The following ARHGAP15 variants were observed in gnomAD, a reference collection of about 807,000 sequenced individuals.
The protein encoded by ARHGAP15 is Rho GTPase activating protein 15.
A neutral mutation model predicts 63.7 loss-of-function variants in ARHGAP15; 51 were observed. The observed-to-expected ratio is 0.80, with a 90% CI of 0.64 to 1.01. ARHGAP15 has a LOEUF of 1.01. ARHGAP15 is among the 50% of genes least tolerant of loss of function. ARHGAP15 has a pLI of 0.00. For missense variants in ARHGAP15, 560 were observed against 564.6 expected (o/e 0.99, Z 0.08); for synonymous variants, 191 against 193.8 (o/e 0.99, Z 0.12).
At chr2:143,449,457 C>CT (rs1229390846) in intron 8 of ARHGAP15, among the ~76,000 whole-genome samples, 3 of 152,024 alleles carry the variant, frequency 2.0e-5, no homozygotes, top group Admixed American at 6.6e-5. Context: ...TATTTGATTG[C>CT]TTAAATTTCT....
At chr2:143,640,995 G>T (rs1680571883) in intron 12 of ARHGAP15, 1 of 152,126 alleles carries the variant, frequency 6.6e-6, no homozygotes, top group Non-Finnish European at 1.5e-5. Flanking sequence ...ACTGAAGTAG[G>T]TTGCCTTTCC....
At chr2:143,629,501 A>G (rs1698980398) in intron 12 of ARHGAP15, among the ~76,000 whole-genome samples, 1 of 152,136 alleles carries the variant, frequency 6.6e-6, no homozygotes. Context: ...ATGATAGGTG[A>G]TGCAATCTTG....
intron 8 of ARHGAP15, among the ~76,000 whole-genome samples, chr2:143,454,207 T>C (rs1408534313): frequency 5.3e-5 from 8 of 151,978 alleles, no homozygotes; most frequent in Non-Finnish European, 1.2e-4. Flanking sequence ...AGACAACTGG[T>C]ATTTATGGGC....
chr2:143,217,866 T>A (rs1379762191), intron 4 of ARHGAP15, among the ~76,000 whole-genome samples: 2 of 152,140 alleles, frequency 1.3e-5, no homozygotes, highest in African/African-American at 4.8e-5. Context: ...AGAATAGAGG[T>A]GACAGCATTG....
intron 11 of ARHGAP15, chr2:143,571,799 A>G (rs928473248): frequency 2.0e-5 from 3 of 152,148 alleles, no homozygotes; most frequent in African/African-American, 7.2e-5. Context: ...TTCACTCACC[A>G]TTATCTGCTT....
At chr2:143,330,421 A>C (rs140741285) in intron 6 of ARHGAP15, among the ~76,000 whole-genome samples, 1 of 152,268 alleles carries the variant, frequency 6.6e-6, no homozygotes, top group African/African-American at 2.4e-5. Flanking sequence ...ACTGTATAAG[A>C]CAAATACATA....
intron 11 of ARHGAP15, among the ~76,000 whole-genome samples, chr2:143,572,465 A>G (rs1696501289): frequency 6.6e-6 from 1 of 152,042 alleles, no homozygotes; most frequent in Non-Finnish European, 1.5e-5. Context: ...CCATCTCTCA[A>G]GAGTCCACTC....
At chr2:143,201,029 T>C (rs1168582791) in intron 2 of ARHGAP15, among the ~76,000 whole-genome samples, 1 of 152,156 alleles carries the variant, frequency 6.6e-6, no homozygotes, top group Non-Finnish European at 1.5e-5. Context: ...CCCCACGATA[T>C]ATTTGAGTTC....
chr2:143,673,076 C>A (rs1490824247), intron 12 of ARHGAP15, among the ~76,000 whole-genome samples: 1 of 152,120 alleles, frequency 6.6e-6, no homozygotes. Flanking sequence ...ATTGTGCCAG[C>A]TTTCCACCTG....
intron 5 of ARHGAP15, 96 bp downstream of exon 5, chr2:143,228,764 G>A (rs1028657557): frequency 3.7e-6 from 3 of 809,186 alleles, no homozygotes; most frequent in Admixed American, 3.1e-5. Flanking sequence ...AAACCTCCAA[G>A]CTACCAACAT....
rs1553475720 is a variant in ARHGAP15 at position 143,407,987 on chromosome 2, G to GTATGTA, written c.475-27611_475-27610insGTATAT. ...TTTTTAAAGTCTGACTTCTGTGTGT[G>GTATGTA]TATATATATATATATATATATATAT... On this transcript the variant is annotated intron_variant, in intron 6 of 13. Coordinates refer to ENST00000295095, the MANE Select transcript of ARHGAP15 (RefSeq NM_018460.4). 8.0e-3 allele frequency among the ~76,000 whole-genome samples: 615 copies of GTATGTA among 76,812 alleles called. 4 individuals are homozygous for GTATGTA. The highest frequency in any genetic ancestry group is 0.013 in the Non-Finnish European group (464 of 34,544). The allele number at this position is 76,812 out of a possible 152,430, so 50.4% of individuals were successfully genotyped here.
intron 3 of ARHGAP15, among the ~76,000 whole-genome samples, chr2:143,204,932 C>T (rs1244094257): frequency 2.0e-5 from 3 of 151,146 alleles, no homozygotes; most frequent in African/African-American, 7.3e-5. Context: ...CTTCCCTAAT[C>T]TCTCTTAAAA....
intron 11 of ARHGAP15, among the ~76,000 whole-genome samples, chr2:143,579,871 AT>A (rs1286358277): frequency 2.0e-5 from 3 of 150,914 alleles, no homozygotes; most frequent in African/African-American, 4.8e-5. Flanking sequence ...CATTTGTTTT[AT>A]TTTTTTATTT....
intron 5 of ARHGAP15, among the ~76,000 whole-genome samples, chr2:143,240,561 TA>T (rs1447656323): frequency 1.3e-5 from 2 of 152,314 alleles, no homozygotes; most frequent in African/African-American, 4.8e-5. Context: ...GAAGGCATTT[TA>T]AAATCTCTGT....
intron 13 of ARHGAP15, among the ~76,000 whole-genome samples, chr2:143,718,281 A>T (rs1027811193): frequency 6.6e-6 from 1 of 152,198 alleles, no homozygotes; most frequent in East Asian, 1.9e-4. Context: ...GAAGCAGTAC[A>T]TAACTAGAAC....
intron 6 of ARHGAP15, among the ~76,000 whole-genome samples, chr2:143,296,077 C>T (rs7587731): frequency 5.3e-5 from 8 of 152,032 alleles, no homozygotes; most frequent in Admixed American, 6.6e-5. Flanking sequence ...ACCATCCTTA[C>T]ATACCTATAT....
intron 6 of ARHGAP15, among the ~76,000 whole-genome samples, chr2:143,364,253 T>C (rs1574337332): frequency 6.6e-6 from 1 of 151,730 alleles, no homozygotes; most frequent in South Asian, 2.1e-4. Context: ...CTAACAGATA[T>C]CATCTGAATA....
chr2:143,649,068 G>T (rs1023371815), intron 12 of ARHGAP15, among the ~76,000 whole-genome samples: 4 of 151,764 alleles, frequency 2.6e-5, no homozygotes, highest in African/African-American at 9.7e-5. Context: ...GCATAGTCAG[G>T]GTCATAGAGA....
chr2:143,575,990 G>A (rs567629916), intron 11 of ARHGAP15, among the ~76,000 whole-genome samples: 8 of 152,218 alleles, frequency 5.3e-5, no homozygotes, highest in Admixed American at 2.0e-4. Context: ...TTCTGACAAA[G>A]AAGTGCCCTG....
Sources: gnomAD v4.1 joint callset for allele counts (sites outside exome capture counted in the v4.1 genomes callset) on GRCh38, gnomAD v4.1.1 for gene constraint, MANE v1.5 for transcripts, NCBI Gene and HGNC (gene_info 2026-07-23, HGNC 2026-07-21) for gene names.